Variants in GNAL observed in about 807,000 individuals in gnomAD.
GNAL encodes guanine nucleotide-binding protein G(olf) subunit alpha.
Under a neutral mutation model 55.1 loss-of-function variants are expected in GNAL, and 18 were observed. The ratio of observed to expected loss-of-function variants is 0.33; its 90% CI spans 0.23 to 0.48. The LOEUF is 0.48. GNAL is among the 20% of genes least tolerant of loss of function. The pLI, the probability that GNAL is intolerant of heterozygous loss-of-function variation, is 0.99. For synonymous variants in GNAL, 253 were observed against 237.0 expected (o/e 1.07, Z -0.62); for missense variants, 412 against 614.1 (o/e 0.67, Z 3.48).
At chr18:11,833,690 C>A (rs2035438271) in intron 5 of GNAL, 1 of 152,248 alleles carries the variant, frequency 6.6e-6, no homozygotes, top group Admixed American at 6.5e-5. Flanking sequence ...ATGCCTGGAA[C>A]AGGATGGCCT....
intron 1 of GNAL, among the ~76,000 whole-genome samples, chr18:11,704,925 G>A (rs1240038817): frequency 6.6e-6 from 1 of 151,862 alleles, no homozygotes; most frequent in African/African-American, 2.4e-5. Context: ...GTTTCCTCCT[G>A]CATCTTTGAG....
At position 11,751,577 on chromosome 18, in the gene GNAL, G is replaced by C; in HGVS notation, c.377-1276G>C. ...TCCTCCGCGAGTCTTCGCCCGCCAGGAGCAGGGACGCGTCCGAGCCAACAC... is the reference window on the plus strand; with the variant it reads ...TCCTCCGCGAGTCTTCGCCCGCCAGCAGCAGGGACGCGTCCGAGCCAACAC... On this transcript the variant is annotated intron_variant, in intron 1 of 11. Transcript: ENST00000334049. This position sits in a 1 kb window ranked among gnomAD's most constrained non-coding sequence, Gnocchi z 4.5. 5 of 985,534 alleles carry C rather than the reference G, an allele frequency of 5.1e-6. No homozygotes were observed. Among genetic ancestry groups the C allele is most frequent in the Non-Finnish European group, 6.0e-6 (5 of 829,992 alleles). 61.0% of individuals were successfully genotyped at this position (985,534 alleles called of 1,614,324 possible).
chr18:11,708,023 C>T (rs966823614), intron 1 of GNAL, among the ~76,000 whole-genome samples: 5 of 152,214 alleles, frequency 3.3e-5, no homozygotes, highest in Non-Finnish European at 5.9e-5. Flanking sequence ...ATCTTCTATC[C>T]AGACCACTCA....
At chr18:11,866,828 GTGTC>G (rs2143860283) in intron 7 of GNAL, among the ~76,000 whole-genome samples, 1 of 140,610 alleles carries the variant, frequency 7.1e-6, no homozygotes, top group South Asian at 2.1e-4. Context: ...AGAGGCCTGA[GTGTC>G]TGAGCAGGTA....
intron 1 of GNAL, among the ~76,000 whole-genome samples, chr18:11,702,729 G>T (rs775479102): frequency 2.7e-4 from 41 of 151,760 alleles, no homozygotes; most frequent in Non-Finnish European, 5.6e-4. Context: ...ATCCATGCAG[G>T]TACAGAAGAC....
Position 11,885,496 on chromosome 18 carries a change from G to C in GNAL, c.*4361G>C, listed in dbSNP as rs2037070755. On this transcript the variant is annotated 3_prime_UTR_variant, in exon 12 of 12. Coordinates refer to ENST00000334049, the MANE Select transcript of GNAL (RefSeq NM_182978.4). ...CACATTAACTGCCCAGGAATGTCAT[G>C]CTGATTGGTTCCCGGAAGGGTGTTT... 1 of 693,946 alleles carries C rather than the reference G, an allele frequency of 1.4e-6. No homozygotes were observed. Among genetic ancestry groups the C allele is most frequent in the African/African-American group, 1.8e-5 (1 of 55,320 alleles). The allele number at this position is 693,946 out of a possible 1,614,324, so 43.0% of individuals were successfully genotyped here.
intron 4 of GNAL, among the ~76,000 whole-genome samples, chr18:11,801,620 G>A (rs964347590): frequency 6.6e-6 from 1 of 152,158 alleles, no homozygotes; most frequent in African/African-American, 2.4e-5. Flanking sequence ...CCATAGAGAG[G>A]CAAGGAGACC....
intron 5 of GNAL, among the ~76,000 whole-genome samples, chr18:11,846,418 TATAA>T (rs1235937782): frequency 1.4e-5 from 2 of 145,986 alleles, no homozygotes; most frequent in African/African-American, 5.0e-5. Flanking sequence ...TATATAAATA[TATAA>T]ATACATATAT....
intron 5 of GNAL, among the ~76,000 whole-genome samples, chr18:11,829,358 T>C (rs141493515): frequency 6.6e-6 from 1 of 152,322 alleles, no homozygotes; most frequent in African/African-American, 2.4e-5. Context: ...CTAATAACTA[T>C]CTTGTTTTTC....
At chr18:11,877,236 C>T (rs560042692) in intron 11 of GNAL, among the ~76,000 whole-genome samples, 2 of 152,224 alleles carry the variant, frequency 1.3e-5, no homozygotes, top group South Asian at 4.1e-4. Context: ...GATGGATCAC[C>T]TGAGGTCAGG....
Position 11,881,204 on chromosome 18 carries a change from A to G in GNAL, c.*69A>G. The stretch of plus-strand genomic sequence containing the variant: ...CTGACTGCCAGCCCCATGCCATGGT[A>G]GGAGGCAGAGTCTCTAGTTCCATCT... On this transcript the variant is annotated 3_prime_UTR_variant, in exon 12 of 12. Coordinates refer to ENST00000334049, the MANE Select transcript of GNAL (RefSeq NM_182978.4). This position sits in a 1 kb window ranked among gnomAD's most constrained non-coding sequence, Gnocchi z 4.8. The G allele has an allele frequency of 6.9e-7, 1 of 1,446,454 alleles. No individual in the cohort carries two copies. 89.6% of individuals were successfully genotyped at this position (1,446,454 alleles called of 1,614,324 possible). A position where few individuals can be genotyped will look rare whatever the true frequency, so the allele number is the denominator to read the frequency against.
At position 11,885,545 on chromosome 18, in the gene GNAL, A is replaced by G; in HGVS notation, c.*4410A>G. On this transcript the variant is annotated 3_prime_UTR_variant, in exon 12 of 12. Coordinates refer to ENST00000334049, the MANE Select transcript of GNAL (RefSeq NM_182978.4). ...TTGGCAAGGGGCAGTGTATGGAGCT[A>G]CGTGTAGAAGGAGAGAAATTTGTGT... 9.3e-7 allele frequency: 1 copy of G among 1,070,160 alleles called. No homozygotes were observed. Among genetic ancestry groups the G allele is most frequent in the East Asian group, 2.6e-5 (1 of 38,504 alleles). The allele number at this position is 1,070,160 out of a possible 1,614,324, so 66.3% of individuals were successfully genotyped here. A position where few individuals can be genotyped will look rare whatever the true frequency, so the allele number is the denominator to read the frequency against.
chr18:11,790,766 C>T (rs1247856538), intron 4 of GNAL, among the ~76,000 whole-genome samples: 1 of 150,754 alleles, frequency 6.6e-6, no homozygotes, highest in Non-Finnish European at 1.5e-5. Flanking sequence ...ACACCATTCT[C>T]CTGCCTCAGC....
intron 5 of GNAL, among the ~76,000 whole-genome samples, chr18:11,855,600 A>G (rs916458541): frequency 3.9e-5 from 6 of 152,164 alleles, no homozygotes; most frequent in African/African-American, 1.2e-4. Flanking sequence ...AGGAATGCCA[A>G]TGTATCTAGA....
At chr18:11,861,717 C>T (rs867919100) in intron 5 of GNAL, among the ~76,000 whole-genome samples, 8 of 152,164 alleles carry the variant, frequency 5.3e-5, no homozygotes. Context: ...CCAAGAGCGG[C>T]GCACAGCCTT....
chr18:11,835,418 G>A (rs1598416608), intron 5 of GNAL, among the ~76,000 whole-genome samples: 1 of 151,822 alleles, frequency 6.6e-6, no homozygotes, highest in African/African-American at 2.4e-5. Flanking sequence ...CTCGAGCCTA[G>A]GAGTTCAAGG....
chr18:11,745,141 T>C, intron 1 of GNAL, among the ~76,000 whole-genome samples: 1 of 152,348 alleles, frequency 6.6e-6, no homozygotes, highest in African/African-American at 2.4e-5. Context: ...TAAAATTTAA[T>C]GTATCCACCG....
chr18:11,699,494 C>T (rs774407644), intron 1 of GNAL, among the ~76,000 whole-genome samples: 2 of 151,738 alleles, frequency 1.3e-5, no homozygotes, highest in Non-Finnish European at 2.9e-5. Flanking sequence ...GGATTACAGG[C>T]GTGAGCCACC....
At chr18:11,692,476 T>C (rs535835394) in intron 1 of GNAL, among the ~76,000 whole-genome samples, 212 of 152,294 alleles carry the variant, frequency 1.4e-3, no homozygotes, top group Non-Finnish European at 2.7e-3. Flanking sequence ...AGAGCACACG[T>C]TTCCAGAGGT....
Sources: allele counts gnomAD v4.1 joint callset (sites outside exome capture counted in the v4.1 genomes callset), GRCh38; gene constraint gnomAD v4.1.1; non-coding constraint Gnocchi (gnomAD v3.1); transcripts MANE v1.5; gene names NCBI Gene and HGNC (gene_info 2026-07-23, HGNC 2026-07-21).